DISC1: variants seen among roughly 807,000 people sequenced by gnomAD.
DISC1 encodes disrupted in schizophrenia 1 protein.
DISC1 carries 57 observed loss-of-function variants against 84.5 expected under a neutral mutation model. That is an observed-to-expected ratio of 0.67 (90% CI 0.55 to 0.84). The LOEUF (loss-of-function observed/expected upper bound fraction) is 0.84. Ranked by LOEUF, DISC1 falls within the 40% of genes least tolerant of loss-of-function variation. The probability of loss-of-function intolerance (pLI) is 0.00; values close to 1 mark genes in which losing one functional copy is unlikely to be tolerated. For synonymous variants in DISC1, 411 were observed against 415.2 expected (o/e 0.99, Z 0.12); for missense variants, 1,000 against 1,057.8 (o/e 0.95, Z 0.76).
At chr1:231,893,242 A>T (rs2087397132) in intron 9 of DISC1, among the ~76,000 whole-genome samples, 1 of 152,218 alleles carries the variant, frequency 6.6e-6, no homozygotes, top group Admixed American at 6.5e-5. Flanking sequence ...GTGAGAAGTT[A>T]ATAGCAGGAG....
rs77023675 is a variant in DISC1 at position 231,860,882 on chromosome 1, A to G, written c.1981+42365A>G. On this transcript the variant is annotated intron_variant, in intron 9 of 12. Coordinates refer to ENST00000439617, the MANE Select transcript of DISC1 (RefSeq NM_018662.3). Reference sequence around the variant, plus strand: ...AGCCAGTTTCATCCTCTTGCAATACAGTAACCTGTGTCAGCAGAGTCCTGT... The same window carrying G: ...AGCCAGTTTCATCCTCTTGCAATACGGTAACCTGTGTCAGCAGAGTCCTGT... Among the ~76,000 whole-genome samples, 967 of 152,328 alleles carry G rather than the reference A, an allele frequency of 6.3e-3. 13 individuals carry two copies. Among genetic ancestry groups the G allele is most frequent in the African/African-American group, 0.022 (913 of 41,558 alleles).
chr1:231,882,564 T>C (rs1346700837), intron 9 of DISC1, among the ~76,000 whole-genome samples: 1 of 152,226 alleles, frequency 6.6e-6, no homozygotes, highest in Non-Finnish European at 1.5e-5. Flanking sequence ...TCAAAACGTA[T>C]TAGATATGAA....
chr1:231,947,028 G>T (rs1013083142), intron 9 of DISC1, among the ~76,000 whole-genome samples: 2 of 152,118 alleles, frequency 1.3e-5, no homozygotes, highest in Non-Finnish European at 2.9e-5. Context: ...TCACCATACT[G>T]CCCAAAGTAA....
intron 4 of DISC1, among the ~76,000 whole-genome samples, chr1:231,755,576 C>T (rs1290613773): frequency 6.6e-6 from 1 of 152,006 alleles, no homozygotes; most frequent in Non-Finnish European, 1.5e-5. Context: ...TCTTTTTATC[C>T]TTAACATTAC....
chr1:231,738,354 T>A (rs2072797326), intron 3 of DISC1, among the ~76,000 whole-genome samples: 1 of 152,208 alleles, frequency 6.6e-6, no homozygotes, highest in South Asian at 2.1e-4. Context: ...TTGTTGTAGC[T>A]CTTAAGTTTC....
intron 1 of DISC1, chr1:231,684,899 G>T (rs193016621): frequency 2.2e-4 from 33 of 152,338 alleles, no homozygotes; most frequent in Admixed American, 2.1e-3. Flanking sequence ...GGAACTCCTG[G>T]TGGCCTGCAG....
At position 231,630,300 on chromosome 1, in the gene DISC1, T is replaced by A. The variant is rs2058611413; in HGVS notation, c.67+3366T>A. On this transcript the variant is annotated intron_variant, in intron 1 of 12. Transcript: ENST00000439617. The surrounding 1 kb of genome is among the most constrained non-coding windows in gnomAD (Gnocchi z 4.4). ...AAAAAGGTAATATTTTAGGTTAGGGTCATTAGACCAGAATTAGAATCATTC... is the reference window on the plus strand; with the variant it reads ...AAAAAGGTAATATTTTAGGTTAGGGACATTAGACCAGAATTAGAATCATTC... Among the ~76,000 whole-genome samples the A allele has an allele frequency of 6.6e-6, 1 of 152,018 alleles. No individual in the cohort carries two copies.
At chr1:231,656,785 C>G (rs755515388) in intron 1 of DISC1, among the ~76,000 whole-genome samples, 5 of 152,214 alleles carry the variant, frequency 3.3e-5, no homozygotes, top group Non-Finnish European at 7.3e-5. Flanking sequence ...CCCTCCCACC[C>G]ACTGCCCACT....
intron 9 of DISC1, among the ~76,000 whole-genome samples, chr1:231,827,162 AT>A (rs2081912523): frequency 6.6e-6 from 1 of 151,910 alleles, no homozygotes; most frequent in South Asian, 2.1e-4. Context: ...TAATTTTTGT[AT>A]TTTTAGTAGA....
intron 8 of DISC1, among the ~76,000 whole-genome samples, chr1:231,816,030 T>G (rs2080936581): frequency 6.6e-6 from 1 of 152,242 alleles, no homozygotes; most frequent in Non-Finnish European, 1.5e-5. Flanking sequence ...CATTGAACTT[T>G]ATGAGAAACT....
chr1:231,754,773 T>C (rs557581521), intron 4 of DISC1, among the ~76,000 whole-genome samples: 2 of 152,360 alleles, frequency 1.3e-5, no homozygotes, highest in East Asian at 3.9e-4. Flanking sequence ...TTGAAACCTG[T>C]CAAACATTTT....
chr1:232,004,044 CAT>C lies in DISC1; in HGVS notation c.2043-4736_2043-4735del, dbSNP rs540144934. 2.6e-4 allele frequency among the ~76,000 whole-genome samples: 39 copies of C among 151,244 alleles called. 1 individual carries two copies. The South Asian group carries it at 7.3e-3, about 28-fold the overall frequency. ...TTTAATAATTAAAAATTTAAATAAA[CAT>C]ATATTGGACATGGTTAAAATATTAC... is the stretch of plus-strand genomic sequence containing the variant. On this transcript the variant is annotated intron_variant, in intron 10 of 12. Coordinates refer to ENST00000439617, the MANE Select transcript of DISC1 (RefSeq NM_018662.3).
At chr1:231,728,984 C>A (rs1228459823) in intron 3 of DISC1, among the ~76,000 whole-genome samples, 1 of 152,046 alleles carries the variant, frequency 6.6e-6, no homozygotes, top group Non-Finnish European at 1.5e-5. Context: ...CTCATGCTAT[C>A]CCTCCCCCTC....
chr1:231,730,821 G>A (rs371264615), intron 3 of DISC1, among the ~76,000 whole-genome samples: 5 of 152,302 alleles, frequency 3.3e-5, no homozygotes, highest in South Asian at 4.1e-4. Context: ...TGCTAAGTGA[G>A]TTAGTCCTAG....
At chr1:232,030,970 G>A (rs1354565301) in intron 12 of DISC1, among the ~76,000 whole-genome samples, 3 of 151,986 alleles carry the variant, frequency 2.0e-5, no homozygotes, top group African/African-American at 7.3e-5. Context: ...AAAATTAACT[G>A]GGCGTGATGG....
At chr1:231,950,067 T>C (rs1183477515) in intron 9 of DISC1, among the ~76,000 whole-genome samples, 1 of 152,220 alleles carries the variant, frequency 6.6e-6, no homozygotes, top group South Asian at 2.1e-4. Context: ...AGCTCACTTT[T>C]CCTAGCTTAA....
At position 231,914,134 on chromosome 1, in the gene DISC1, C is replaced by T. The variant is rs145253557; in HGVS notation, c.1982-44694C>T. ...TCCGCCCATCCCTAGCACAGTTTGC[C>T]GCCTTCTGTTTACAATACGGCTGCC... On this transcript the variant is annotated intron_variant, in intron 9 of 12. Coordinates refer to ENST00000439617, the MANE Select transcript of DISC1 (RefSeq NM_018662.3). 2.3e-3 allele frequency among the ~76,000 whole-genome samples: 356 copies of T among 152,266 alleles called. 2 individuals carry two copies. The highest frequency in any genetic ancestry group is 8.0e-3 in the African/African-American group (331 of 41,558).
intron 9 of DISC1, among the ~76,000 whole-genome samples, chr1:231,914,008 G>A (rs2089443320): frequency 6.6e-6 from 1 of 152,200 alleles, no homozygotes; most frequent in Admixed American, 6.5e-5. Context: ...AACAATTTGA[G>A]GATTTATTTT....
intron 9 of DISC1, among the ~76,000 whole-genome samples, chr1:231,890,209 C>T (rs907318734): frequency 2.0e-5 from 3 of 152,140 alleles, no homozygotes; most frequent in Non-Finnish European, 4.4e-5. Context: ...CGTATTTTCA[C>T]TCTGTATGTG....
Sources: allele counts gnomAD v4.1 joint callset (sites outside exome capture counted in the v4.1 genomes callset), GRCh38; gene constraint gnomAD v4.1.1; non-coding constraint Gnocchi (gnomAD v3.1); transcripts MANE v1.5; gene names NCBI Gene and HGNC (gene_info 2026-07-23, HGNC 2026-07-21).